CHN2: variants seen among roughly 807,000 people sequenced by gnomAD.
CHN2 encodes beta-chimaerin.
Under a neutral mutation model 56.3 loss-of-function variants are expected in CHN2, and 35 were observed. The ratio of observed to expected loss-of-function variants is 0.62; its 90% confidence interval spans 0.47 to 0.82. The LOEUF (loss-of-function observed/expected upper bound fraction) is 0.82, where lower values mean the gene tolerates loss of function less well. Among genes scored for constraint, CHN2 ranks in the 40% least tolerant of loss-of-function variants. The pLI, the probability that CHN2 is intolerant of heterozygous loss-of-function variation, is 0.00. For synonymous variants in CHN2, 210 were observed against 212.8 expected (o/e 0.99, Z 0.12); for missense variants, 491 against 580.5 (o/e 0.85, Z 1.58).
intron 6 of CHN2, among the ~76,000 whole-genome samples, chr7:29,474,161 C>T (rs550990924): frequency 1.4e-4 from 21 of 152,296 alleles, no homozygotes; most frequent in African/African-American, 2.6e-4. Flanking sequence ...GCTCAGGAGC[C>T]TACTTCTCAC....
intron 3 of CHN2, among the ~76,000 whole-genome samples, chr7:29,380,091 C>A (rs995173824): frequency 6.6e-6 from 1 of 152,164 alleles, no homozygotes; most frequent in Non-Finnish European, 1.5e-5. Flanking sequence ...TATCCCTGGG[C>A]AGGACTGTGG....
intron 6 of CHN2, among the ~76,000 whole-genome samples, chr7:29,421,970 A>C (rs180796654): frequency 6.6e-6 from 1 of 152,246 alleles, no homozygotes; most frequent in Non-Finnish European, 1.5e-5. Flanking sequence ...TTTGGTGACT[A>C]TTAACATGGG....
chr7:29,407,613 A>G (rs951749590), intron 6 of CHN2, among the ~76,000 whole-genome samples: 9 of 152,302 alleles, frequency 5.9e-5, no homozygotes, highest in Middle Eastern at 3.4e-3. Flanking sequence ...GAAGATGAGC[A>G]TAACTTAGCT....
intron 1 of CHN2, among the ~76,000 whole-genome samples, chr7:29,250,682 A>G (rs1007363234): frequency 6.7e-6 from 1 of 148,820 alleles, no homozygotes; most frequent in Non-Finnish European, 1.5e-5. Flanking sequence ...TAGTAAGAAG[A>G]CTCTTCCCTT....
intron 1 of CHN2, among the ~76,000 whole-genome samples, chr7:29,326,150 TTGTTTGTTTTG>T (rs1306202622): frequency 1.3e-5 from 2 of 151,646 alleles, no homozygotes; most frequent in Admixed American, 6.6e-5. Context: ...GTTTGTTTGT[TTGTTTGTTTTG>T]TTGTTGTTTT....
chr7:29,373,470 C>T (rs536691398), intron 3 of CHN2, among the ~76,000 whole-genome samples: 3 of 152,276 alleles, frequency 2.0e-5, no homozygotes, highest in African/African-American at 7.2e-5. Context: ...CCACCACGCC[C>T]GGCCGGCAGT....
chr7:29,476,851 C>T (rs939627417), intron 6 of CHN2, among the ~76,000 whole-genome samples: 3 of 152,070 alleles, frequency 2.0e-5, no homozygotes, highest in Admixed American at 6.5e-5. Context: ...CCCAAAAGAC[C>T]ATTCGTTCCA....
At chr7:29,482,436 C>T (rs1011772520) in intron 7 of CHN2, among the ~76,000 whole-genome samples, 2 of 152,144 alleles carry the variant, frequency 1.3e-5, no homozygotes, top group African/African-American at 4.8e-5. Context: ...CCGCAACTAA[C>T]TCTAGGTGGA....
At chr7:29,464,601 C>T (rs949970621) in intron 6 of CHN2, among the ~76,000 whole-genome samples, 10 of 152,136 alleles carry the variant, frequency 6.6e-5, no homozygotes, top group African/African-American at 2.4e-4. Flanking sequence ...GTCTAAGAAC[C>T]ATTGGAACTA....
chr7:29,162,529 C>T (rs536783970), intron 2 of CHN2, among the ~76,000 whole-genome samples: 31 of 152,076 alleles, frequency 2.0e-4, no homozygotes, highest in Admixed American at 3.3e-4. Flanking sequence ...GGCATGGTGG[C>T]GCATGCCTGT....
At chr7:29,433,139 T>C (rs1782970831) in intron 6 of CHN2, among the ~76,000 whole-genome samples, 1 of 152,246 alleles carries the variant, frequency 6.6e-6, no homozygotes, top group Admixed American at 6.5e-5. Context: ...TAATGCCAAA[T>C]GCACAGTGCT....
At position 29,387,266 on chromosome 7, in the gene CHN2, T is replaced by C. The variant is rs151214870; in HGVS notation, c.145-6413T>C. Among the ~76,000 whole-genome samples, 362 of 152,262 alleles carry C rather than the reference T, an allele frequency of 2.4e-3. 4 individuals are homozygous for C. The highest frequency in any genetic ancestry group is 8.1e-3 in the African/African-American group (335 of 41,540). ...AATCTGTGAAACAGCCTTATTAAAA[T>C]AGCTCATTTTTATAACCCCAGTTTT... On this transcript the variant is annotated intron_variant, in intron 3 of 12. Transcript: ENST00000222792.
At chr7:29,320,786 G>C (rs1244022610) in intron 1 of CHN2, among the ~76,000 whole-genome samples, 8 of 151,904 alleles carry the variant, frequency 5.3e-5, no homozygotes, top group African/African-American at 1.9e-4. Context: ...TTTTCTGTCA[G>C]GTGGTGGCCA....
Position 29,473,482 on chromosome 7 carries a change from T to TTGTG in CHN2, c.577-6775_577-6772dup, listed in dbSNP as rs1554299030. On this transcript the variant is annotated intron_variant, in intron 6 of 12. Coordinates refer to ENST00000222792, the MANE Select transcript of CHN2 (RefSeq NM_004067.4). ...TGTGTGTGTTTGTGTTTTTTTTTTT[T>TTGTG]TGTGTGTGTGTGTGTGTGTGTGTGT... Among the ~76,000 whole-genome samples the TTGTG allele has an allele frequency of 1.0e-3, 123 of 118,198 alleles. 2 individuals are homozygous for TTGTG. Among genetic ancestry groups the TTGTG allele is most frequent in the African/African-American group, 3.1e-3 (95 of 30,174 alleles). The allele number at this position is 118,198 out of a possible 152,430, so 77.5% of individuals were successfully genotyped here. A position where few individuals can be genotyped will look rare whatever the true frequency, so the allele number is the denominator to read the frequency against.
At chr7:29,190,014 T>G (rs1054125887), upstream of CHN2, among the ~76,000 whole-genome samples, 1 of 152,254 alleles carries the variant, frequency 6.6e-6, no homozygotes, top group Non-Finnish European at 1.5e-5. Context: ...ACCTGCGGCG[T>G]CTGAGCTGCC....
At chr7:29,255,291 T>TCA (rs1788980898) in intron 1 of CHN2, among the ~76,000 whole-genome samples, 1 of 152,184 alleles carries the variant, frequency 6.6e-6, no homozygotes, top group African/African-American at 2.4e-5. Context: ...CGAGCTCACT[T>TCA]CAGAGCCCAG....
At chr7:29,353,144 T>G (rs1798013179) in intron 1 of CHN2, among the ~76,000 whole-genome samples, 1 of 152,184 alleles carries the variant, frequency 6.6e-6, no homozygotes, top group African/African-American at 2.4e-5. Flanking sequence ...GATTTGTTTG[T>G]GTGAAATGAG....
intron 1 of CHN2, among the ~76,000 whole-genome samples, chr7:29,264,820 G>GA (rs11356105): frequency 4.6e-4 from 57 of 124,446 alleles, no homozygotes; most frequent in South Asian, 1.5e-3. Flanking sequence ...ACTAAAAGGG[G>GA]AAAAAAAAAA....
chr7:29,244,549 A>C (rs529773785), intron 1 of CHN2, among the ~76,000 whole-genome samples: 1 of 152,326 alleles, frequency 6.6e-6, no homozygotes, highest in Non-Finnish European at 1.5e-5. Context: ...GTGAGGCTGG[A>C]CCTGCACCAC....
Sources: gnomAD v4.1 joint callset for allele counts (sites outside exome capture counted in the v4.1 genomes callset) on GRCh38, gnomAD v4.1.1 for gene constraint, MANE v1.5 for transcripts, NCBI Gene and HGNC (gene_info 2026-07-23, HGNC 2026-07-21) for gene names.